The following RAB38 variants were observed in gnomAD, a reference collection of about 807,000 sequenced individuals.
RAB38 encodes the protein ras-related protein Rab-38.
A neutral mutation model predicts 18.4 loss-of-function variants in RAB38; 15 were observed. The observed-to-expected ratio is 0.82, with a 90% CI of 0.55 to 1.26. The LOEUF (loss-of-function observed/expected upper bound fraction) is 1.26. RAB38 is among the 50% of genes most tolerant of loss of function. RAB38 has a pLI of 0.00. For missense variants in RAB38, 294 were observed against 267.4 expected (o/e 1.10, Z -0.69); for synonymous variants, 101 against 104.4 (o/e 0.97, Z 0.20).
chr11:88,066,829 T>C, the RAB38 span, among the ~76,000 whole-genome samples: 1 of 152,238 alleles, frequency 6.6e-6, no homozygotes, highest in South Asian at 2.1e-4. Context: ...ATATTTTATG[T>C]ATAAAGTTTG....
intron 2 of RAB38, among the ~76,000 whole-genome samples, chr11:88,140,066 G>A (rs1942887970): frequency 6.6e-6 from 1 of 152,188 alleles, no homozygotes; most frequent in Non-Finnish European, 1.5e-5. Flanking sequence ...GCATAATTCG[G>A]TGCACAAGCT....
At chr11:88,070,148 T>C in the RAB38 span, among the ~76,000 whole-genome samples, 2 of 152,148 alleles carry the variant, frequency 1.3e-5, no homozygotes, top group Non-Finnish European at 1.5e-5. Flanking sequence ...CTTTATGAGC[T>C]GTAACACTCA....
the RAB38 span, among the ~76,000 whole-genome samples, chr11:87,876,219 C>T: frequency 6.6e-6 from 1 of 151,552 alleles, no homozygotes; most frequent in Non-Finnish European, 1.5e-5. Context: ...TTAGCTGATG[C>T]CCTTCTGATC....
At chr11:88,021,863 A>AT in the RAB38 span, among the ~76,000 whole-genome samples, 1 of 149,420 alleles carries the variant, frequency 6.7e-6, no homozygotes, top group African/African-American at 2.5e-5. Flanking sequence ...CAAAAAAAAA[A>AT]AAAAAAGTAT....
chr11:88,087,474 G>A, the RAB38 span, among the ~76,000 whole-genome samples: 5 of 151,890 alleles, frequency 3.3e-5, no homozygotes, highest in African/African-American at 1.2e-4. Context: ...TCTTGGTTTT[G>A]CCTAGGAAAG....
At chr11:88,095,229 A>T in the RAB38 span, among the ~76,000 whole-genome samples, 1 of 151,932 alleles carries the variant, frequency 6.6e-6, no homozygotes, top group African/African-American at 2.4e-5. Flanking sequence ...TCTCAACACC[A>T]TTCCTGACAT....
At chr11:88,091,472 A>G in the RAB38 span, among the ~76,000 whole-genome samples, 9 of 151,860 alleles carry the variant, frequency 5.9e-5, no homozygotes, top group Non-Finnish European at 8.8e-5. Context: ...CCTTCTCACC[A>G]TCTCTCACCA....
At chr11:88,097,152 C>A in the RAB38 span, among the ~76,000 whole-genome samples, 2 of 151,806 alleles carry the variant, frequency 1.3e-5, no homozygotes, top group Non-Finnish European at 2.9e-5. Context: ...AAGAGACTTT[C>A]CTTTCCATTC....
At chr11:88,158,634 A>C (rs1222530042) in intron 1 of RAB38, among the ~76,000 whole-genome samples, 2 of 152,188 alleles carry the variant, frequency 1.3e-5, no homozygotes, top group African/African-American at 4.8e-5. Context: ...AATAAATGTG[A>C]TTCACTACAT....
chr11:87,869,602 G>A, the RAB38 span, among the ~76,000 whole-genome samples: 1 of 151,680 alleles, frequency 6.6e-6, no homozygotes, highest in South Asian at 2.1e-4. Context: ...TTTTAGGTCT[G>A]TAGTCCTCGT....
At chr11:88,039,526 G>A in the RAB38 span, among the ~76,000 whole-genome samples, 2 of 152,096 alleles carry the variant, frequency 1.3e-5, no homozygotes, top group African/African-American at 4.8e-5. Context: ...AGGGACTTAG[G>A]AGCCTCTGGA....
chr11:87,841,392 T>TC, the RAB38 span, among the ~76,000 whole-genome samples: 1 of 152,172 alleles, frequency 6.6e-6, no homozygotes, highest in South Asian at 2.1e-4. Flanking sequence ...CATGTTTGCT[T>TC]CCCCTTCTAC....
chr11:87,895,342 G>A, the RAB38 span, among the ~76,000 whole-genome samples: 3 of 151,680 alleles, frequency 2.0e-5, no homozygotes, highest in Non-Finnish European at 4.4e-5. Context: ...ATGAACAAGA[G>A]TTGTAGGAAT....
the RAB38 span, among the ~76,000 whole-genome samples, chr11:87,950,314 A>G: frequency 6.6e-6 from 1 of 152,162 alleles, no homozygotes. Context: ...TGAATACAGC[A>G]CACTGATGGG....
the RAB38 span, among the ~76,000 whole-genome samples, chr11:88,024,046 G>C: frequency 6.6e-6 from 1 of 151,800 alleles, no homozygotes; most frequent in Non-Finnish European, 1.5e-5. Context: ...TGAACAAATG[G>C]GATCACATCA....
At chr11:87,977,655 G>T in the RAB38 span, among the ~76,000 whole-genome samples, 1 of 115,472 alleles carries the variant, frequency 8.7e-6, no homozygotes, top group Non-Finnish European at 1.6e-5. Context: ...AAATTATACA[G>T]TATATAACTA....
the RAB38 span, among the ~76,000 whole-genome samples, chr11:87,922,460 C>G: frequency 6.5e-3 from 990 of 151,806 alleles, 10 homozygotes; most frequent in Non-Finnish European, 8.9e-3. Flanking sequence ...CAGAATTTTC[C>G]TACTTATTTC....
At chr11:87,899,469 T>C in the RAB38 span, among the ~76,000 whole-genome samples, 1 of 151,688 alleles carries the variant, frequency 6.6e-6, no homozygotes, top group African/African-American at 2.4e-5. Context: ...GAAGCTGTAC[T>C]TTTTAAATGT....
At chr11:87,934,496 G>T in the RAB38 span, among the ~76,000 whole-genome samples, 1 of 152,070 alleles carries the variant, frequency 6.6e-6, no homozygotes, top group Non-Finnish European at 1.5e-5. Context: ...GCAAAAAGTT[G>T]ACCCAGTTGA....
Sources: allele counts gnomAD v4.1 joint callset (sites outside exome capture counted in the v4.1 genomes callset), GRCh38; gene constraint gnomAD v4.1.1; transcripts MANE v1.5; gene names NCBI Gene and HGNC (gene_info 2026-07-23, HGNC 2026-07-21).